The following RBFOX1 variants were observed in gnomAD, a reference collection of about 807,000 sequenced individuals.
RBFOX1 encodes RNA binding protein fox-1 homolog 1.
RBFOX1 carries 8 observed loss-of-function variants against 57.7 expected under a neutral mutation model. The observed-to-expected ratio is 0.14, with a 90% CI of 0.08 to 0.25. The LOEUF is 0.25. Ranked by LOEUF, RBFOX1 falls within the 10% of genes least tolerant of loss-of-function variation. RBFOX1 has a pLI of 1.00. For synonymous variants in RBFOX1, 326 were observed against 222.4 expected (o/e 1.47, Z -4.15); for missense variants, 611 against 548.5 (o/e 1.11, Z -1.14).
intron 4 of RBFOX1, among the ~76,000 whole-genome samples, chr16:7,469,899 C>G (rs2150882919): frequency 6.6e-6 from 1 of 152,246 alleles, no homozygotes; most frequent in South Asian, 2.1e-4. Flanking sequence ...TTTGACTACG[C>G]TAAGTACCTC....
chr16:7,073,942 C>G (rs1289839911), intron 4 of RBFOX1, among the ~76,000 whole-genome samples: 3 of 152,076 alleles, frequency 2.0e-5, no homozygotes, highest in African/African-American at 7.2e-5. Context: ...TGGCAAGCCA[C>G]AGTTTATGAG....
intron 4 of RBFOX1, among the ~76,000 whole-genome samples, chr16:7,125,588 C>G (rs557182966): frequency 6.6e-6 from 1 of 152,092 alleles, no homozygotes; most frequent in South Asian, 2.1e-4. Context: ...ATTTTACGGT[C>G]AACATCTCAT....
At chr16:5,467,169 G>A (rs2068977141) in intron 1 of RBFOX1, 2 of 1,302,588 alleles carry the variant, frequency 1.5e-6, no homozygotes, top group Non-Finnish European at 2.1e-6. Flanking sequence ...TAGACTCAAT[G>A]TTTCTTCTCT....
chr16:5,638,022 G>A (rs973118337), intron 3 of RBFOX1, among the ~76,000 whole-genome samples: 17 of 152,154 alleles, frequency 1.1e-4, no homozygotes, highest in African/African-American at 4.1e-4. Context: ...GGATAAAATG[G>A]GCAATCCCCC....
At chr16:6,825,873 T>C (rs1776599226) in intron 3 of RBFOX1, among the ~76,000 whole-genome samples, 2 of 152,194 alleles carry the variant, frequency 1.3e-5, no homozygotes, top group Admixed American at 6.5e-5. Flanking sequence ...TGGGGAGCCT[T>C]CTGATGTAGG....
chr16:6,627,887 A>T (rs990249260), intron 2 of RBFOX1, among the ~76,000 whole-genome samples: 8 of 152,222 alleles, frequency 5.3e-5, no homozygotes, highest in Non-Finnish European at 1.0e-4. Flanking sequence ...TAGACATCTT[A>T]TAAAATGGAG....
intron 3 of RBFOX1, among the ~76,000 whole-genome samples, chr16:6,966,773 ATC>A (rs1568128419): frequency 0.035 from 831 of 23,792 alleles, 11 homozygotes; most frequent in African/African-American, 0.073. Context: ...CTATCTATCT[ATC>A]TATCTATCTA....
intron 1 of RBFOX1, among the ~76,000 whole-genome samples, chr16:5,336,827 T>A (rs118042666): frequency 3.4e-4 from 52 of 152,330 alleles, no homozygotes; most frequent in East Asian, 2.3e-3. Context: ...CTTTAAATGG[T>A]GCTCATGGCT....
At chr16:6,004,479 T>C (rs2060658280) in intron 4 of RBFOX1, among the ~76,000 whole-genome samples, 1 of 152,240 alleles carries the variant, frequency 6.6e-6, no homozygotes, top group Non-Finnish European at 1.5e-5. Flanking sequence ...CAGTGTGATA[T>C]GCCTGATGCA....
At chr16:7,194,404 A>C (rs539869498) in intron 4 of RBFOX1, among the ~76,000 whole-genome samples, 8 of 152,326 alleles carry the variant, frequency 5.3e-5, no homozygotes, top group African/African-American at 1.7e-4. Context: ...AAAAGATACT[A>C]AGCAGCTGAC....
chr16:6,760,001 A>G (rs1451779130), intron 3 of RBFOX1, among the ~76,000 whole-genome samples: 1 of 152,226 alleles, frequency 6.6e-6, no homozygotes, highest in Admixed American at 6.5e-5. Context: ...GTAGCCTTCA[A>G]GGGCATTAAT....
At chr16:6,659,605 G>A (rs2098688522) in intron 3 of RBFOX1, among the ~76,000 whole-genome samples, 1 of 152,098 alleles carries the variant, frequency 6.6e-6, no homozygotes, top group Non-Finnish European at 1.5e-5. Flanking sequence ...CATGAGACCA[G>A]GATTTAAGCT....
At chr16:7,373,913 C>T (rs1021079255) in intron 4 of RBFOX1, among the ~76,000 whole-genome samples, 2 of 152,162 alleles carry the variant, frequency 1.3e-5, no homozygotes, top group Non-Finnish European at 2.9e-5. Context: ...TAGCTTATAA[C>T]TTAGGCTCCT....
chr16:5,410,215 A>G (rs1401648902), intron 1 of RBFOX1, among the ~76,000 whole-genome samples: 1 of 151,390 alleles, frequency 6.6e-6, no homozygotes, highest in East Asian at 2.0e-4. Flanking sequence ...GAAAAAAACT[A>G]CAAAAATTAG....
rs112970975 is a variant in RBFOX1, at chr16:5,249,565, A to G, written c.219+9460A>G. On this transcript the variant is annotated intron_variant, in intron 1 of 2. Transcript: ENST00000585867. ...CTGCCTTCTGCCTTTCCTGCCTTGG[A>G]CTCTTGGAATTGGGCCAGCTGAGAG... Among the ~76,000 whole-genome samples, 756 of 151,598 alleles carry G rather than the reference A, an allele frequency of 5.0e-3. 7 individuals are homozygous for G. Among genetic ancestry groups the G allele is most frequent in the African/African-American group, 0.018 (723 of 41,266 alleles).
In RBFOX1 at chr16:5,291,129, A is replaced by T. The variant is rs78452204; in HGVS notation, c.219+51024A>T. 0.012 allele frequency among the ~76,000 whole-genome samples: 1,755 copies of T among 152,270 alleles called. 111 individuals are homozygous for T. In the East Asian group the frequency reaches 0.19, roughly 17 times the overall value. ...TCTCACATTAGGGTGTGGAAACTTC[A>T]CACGAGTGGTCCCACCTTGGGCATC... is the stretch of plus-strand genomic sequence containing the variant. On this transcript the variant is annotated intron_variant, in intron 1 of 2. Transcript: ENST00000585867.
chr16:6,506,015 A>G (rs1279107812), intron 2 of RBFOX1, among the ~76,000 whole-genome samples: 3 of 152,210 alleles, frequency 2.0e-5, no homozygotes, highest in Admixed American at 1.3e-4. Flanking sequence ...ATCTGAGCTA[A>G]CTGGGATAGG....
At chr16:7,464,059 C>T (rs1428416528) in intron 4 of RBFOX1, among the ~76,000 whole-genome samples, 1 of 152,196 alleles carries the variant, frequency 6.6e-6, no homozygotes, top group Non-Finnish European at 1.5e-5. Flanking sequence ...TTGCATAACC[C>T]ATGTCTTCCT....
intron 1 of RBFOX1, among the ~76,000 whole-genome samples, chr16:5,359,772 C>G (rs1010821099): frequency 6.6e-6 from 1 of 152,092 alleles, no homozygotes; most frequent in Non-Finnish European, 1.5e-5. Context: ...CTTTGGTTGC[C>G]TTTCATATGA....
Sources: gnomAD v4.1 joint callset for allele counts (sites outside exome capture counted in the v4.1 genomes callset) on GRCh38, gnomAD v4.1.1 for gene constraint, MANE v1.5 for transcripts, NCBI Gene and HGNC (gene_info 2026-07-23, HGNC 2026-07-21) for gene names.